VPS37A: variants seen among roughly 807,000 people sequenced by gnomAD.
VPS37A encodes VPS37A subunit of ESCRT-I, also known as vacuolar protein sorting-associated protein 37A.
A neutral mutation model predicts 49.8 loss-of-function variants in VPS37A; 30 were observed. The ratio of observed to expected loss-of-function variants is 0.60; its 90% CI spans 0.45 to 0.82. The LOEUF (loss-of-function observed/expected upper bound fraction) is 0.82. Ranked by LOEUF, VPS37A falls within the 40% of genes least tolerant of loss-of-function variation. The pLI, the probability that VPS37A is intolerant of heterozygous loss-of-function variation, is 0.00. For synonymous variants in VPS37A, 195 were observed against 160.6 expected (o/e 1.21, Z -1.62); for missense variants, 593 against 464.4 (o/e 1.28, Z -2.55).
At chr8:17,249,549 T>G (rs1811779639) in intron 1 of VPS37A, among the ~76,000 whole-genome samples, 2 of 152,226 alleles carry the variant, frequency 1.3e-5, no homozygotes, top group Non-Finnish European at 2.9e-5. Flanking sequence ...CGGAGACACT[T>G]AAGTAGGTCA....
At chr8:17,309,941 G>A in the VPS37A span, among the ~76,000 whole-genome samples, 2 of 152,222 alleles carry the variant, frequency 1.3e-5, no homozygotes, top group African/African-American at 4.8e-5. Flanking sequence ...CTAAGTCTGA[G>A]GCAGTCCAGA....
At chr8:17,332,909 A>G in the VPS37A span, among the ~76,000 whole-genome samples, 1 of 152,262 alleles carries the variant, frequency 6.6e-6, no homozygotes, top group Admixed American at 6.5e-5. Context: ...CAGCAGAAAG[A>G]CAGCATGGCA....
chr8:17,331,721 A>G, the VPS37A span, among the ~76,000 whole-genome samples: 3 of 152,352 alleles, frequency 2.0e-5, no homozygotes, highest in East Asian at 1.9e-4. Context: ...TAGATTGCCA[A>G]TAAACACGTT....
chr8:17,283,657 C>T (rs930410389), intron 9 of VPS37A, among the ~76,000 whole-genome samples: 2 of 152,042 alleles, frequency 1.3e-5, no homozygotes, highest in Non-Finnish European at 2.9e-5. Flanking sequence ...ATCATTTGGC[C>T]ATATGTGTGA....
At position 17,247,244 on chromosome 8, in the gene VPS37A, G is replaced by T. The variant is rs1259949423; in HGVS notation, c.-1G>T. ...GCCTCCGGCCCGTGGACCCGAGGAGGATGAGCTGGCTTTTTCCCCTGACCA... is the reference window on the plus strand; with the variant it reads ...GCCTCCGGCCCGTGGACCCGAGGAGTATGAGCTGGCTTTTTCCCCTGACCA... On this transcript the variant is annotated 5_prime_UTR_variant, in exon 1 of 12. Transcript: ENST00000324849. 2 of 1,569,550 alleles carry T rather than the reference G, an allele frequency of 1.3e-6. No individual in the cohort carries two copies. Among genetic ancestry groups the T allele is most frequent in the East Asian group, 4.7e-5 (2 of 42,156 alleles).
the VPS37A span, chr8:17,313,177 A>G: frequency 1.5e-6 from 1 of 651,258 alleles, no homozygotes. Flanking sequence ...AAAGCTGGCT[A>G]TCCAGTCAGT....
chr8:17,311,389 G>T, the VPS37A span: 2 of 1,278,764 alleles, frequency 1.6e-6, no homozygotes, highest in South Asian at 1.3e-5. Flanking sequence ...CTTTAATCTT[G>T]CTGAGCTACT....
chr8:17,332,203 C>T, the VPS37A span, among the ~76,000 whole-genome samples: 24 of 149,140 alleles, frequency 1.6e-4, no homozygotes, highest in South Asian at 2.5e-3. Context: ...AGAGAACCTA[C>T]ACTGAGAACT....
chr8:17,248,493 C>G (rs375946080), intron 1 of VPS37A: 2 of 403,686 alleles, frequency 5.0e-6, no homozygotes, highest in Admixed American at 5.5e-5. Context: ...TCAGGCTGGT[C>G]TCGAACTCCT....
intron 11 of VPS37A, among the ~76,000 whole-genome samples, chr8:17,289,532 G>A (rs2150422734): frequency 6.6e-6 from 1 of 152,204 alleles, no homozygotes; most frequent in South Asian, 2.1e-4. Flanking sequence ...TTATTTCTGA[G>A]GCCTCTGTTC....
At chr8:17,328,665 T>G in the VPS37A span, among the ~76,000 whole-genome samples, 4 of 152,136 alleles carry the variant, frequency 2.6e-5, no homozygotes. Flanking sequence ...CAAACCATCA[T>G]GGCACACGTT....
At chr8:17,306,745 G>C (rs995691439), downstream of VPS37A, among the ~76,000 whole-genome samples, 1 of 152,158 alleles carries the variant, frequency 6.6e-6, no homozygotes, top group African/African-American at 2.4e-5. Flanking sequence ...TTTCCCAAGA[G>C]TGGGAACATT....
At chr8:17,254,777 A>G (rs995927891) in intron 1 of VPS37A, among the ~76,000 whole-genome samples, 56 of 152,124 alleles carry the variant, frequency 3.7e-4, no homozygotes, top group Non-Finnish European at 7.6e-4. Flanking sequence ...ACTTCTATCA[A>G]AACATCACAA....
At chr8:17,313,430 A>C in the VPS37A span, 1 of 1,406,468 alleles carries the variant, frequency 7.1e-7, no homozygotes, top group Non-Finnish European at 1.0e-6. Flanking sequence ...TATAAAAGCA[A>C]AATTAAGGTA....
chr8:17,289,660 T>G (rs945089800), intron 11 of VPS37A, among the ~76,000 whole-genome samples: 1 of 152,200 alleles, frequency 6.6e-6, no homozygotes, highest in African/African-American at 2.4e-5. Flanking sequence ...TTTGTTCTTT[T>G]CGCTGAGGAT....
chr8:17,290,453 T>G lies in VPS37A; in HGVS notation c.*4026T>G, dbSNP rs181369289. On this transcript the variant is annotated intron_variant, in intron 11 of 11. Transcript: ENST00000324849. ...ATGAGATAATTGTGGTTTTTGTCATTGCCTCTGTTTATGTCGTGGATTACG... is the reference window on the plus strand; with the variant it reads ...ATGAGATAATTGTGGTTTTTGTCATGGCCTCTGTTTATGTCGTGGATTACG... Among the ~76,000 whole-genome samples the G allele has an allele frequency of 1.9e-4, 29 of 152,352 alleles. No individual in the cohort carries two copies. In the East Asian group the frequency reaches 5.4e-3, roughly 28 times the overall value.
rs1285915708 is a variant in VPS37A, at chr8:17,297,821, T to A, written c.*2835T>A. ...TTAATAAGCAATAAATGTAACCTTT[T>A]ATATAAATCTCAGTGCTAGGTTAAC... is the stretch of plus-strand genomic sequence containing the variant. On this transcript the variant is annotated 3_prime_UTR_variant, in exon 12 of 12. Transcript: ENST00000324849. 2 of 150,974 alleles carry A rather than the reference T, an allele frequency of 1.3e-5. No individual in the cohort carries two copies. Among genetic ancestry groups the A allele is most frequent in the Admixed American group, 1.3e-4 (2 of 15,008 alleles). The allele number at this position is 150,974 out of a possible 1,614,324, so 9.4% of individuals were successfully genotyped here. A position where few individuals can be genotyped will look rare whatever the true frequency, so the allele number is the denominator to read the frequency against.
At chr8:17,312,448 G>C in the VPS37A span, among the ~76,000 whole-genome samples, 3 of 151,962 alleles carry the variant, frequency 2.0e-5, no homozygotes, top group Non-Finnish European at 4.4e-5. Context: ...AGTGGCGCGT[G>C]CCAGTAATTC....
the VPS37A span, among the ~76,000 whole-genome samples, chr8:17,328,710 A>T: frequency 7.2e-5 from 11 of 152,184 alleles, no homozygotes; most frequent in East Asian, 2.1e-3. Flanking sequence ...CCCAGAACTT[A>T]AAAATTTTAA....
Sources: allele counts gnomAD v4.1 joint callset (sites outside exome capture counted in the v4.1 genomes callset), GRCh38; gene constraint gnomAD v4.1.1; transcripts MANE v1.5; gene names NCBI Gene and HGNC (gene_info 2026-07-23, HGNC 2026-07-21).